The following AIM2 variants were observed in gnomAD, a reference collection of about 807,000 sequenced individuals.
The protein encoded by AIM2 is interferon-inducible protein AIM2.
AIM2 carries 30 observed loss-of-function variants against 27.7 expected under a neutral mutation model. The ratio of observed to expected loss-of-function variants is 1.08; its 90% CI spans 0.81 to 1.47. AIM2 has a LOEUF of 1.47. Ranked by LOEUF, AIM2 falls within the 40% of genes most tolerant of loss-of-function variation. The probability of loss-of-function intolerance (pLI) is 0.00; values close to 1 mark genes in which losing one functional copy is unlikely to be tolerated. For missense variants in AIM2, 358 were observed against 411.3 expected (o/e 0.87, Z 1.12); for synonymous variants, 141 against 145.3 (o/e 0.97, Z 0.21).
intron 1 of AIM2, among the ~76,000 whole-genome samples, chr1:159,101,725 C>T (rs977885672): frequency 2.6e-5 from 4 of 152,190 alleles, no homozygotes; most frequent in Non-Finnish European, 4.4e-5. Flanking sequence ...ACTCTTGCTA[C>T]ACTTCAGCAA....
intron 1 of AIM2, among the ~76,000 whole-genome samples, chr1:159,075,108 G>C (rs1656541250): frequency 6.6e-6 from 1 of 152,136 alleles, no homozygotes; most frequent in African/African-American, 2.4e-5. Context: ...AGAAAAAAAT[G>C]AACTAATAAA....
chr1:159,078,723 G>A (rs1276241072), upstream of AIM2, among the ~76,000 whole-genome samples: 3 of 152,154 alleles, frequency 2.0e-5, no homozygotes, highest in African/African-American at 4.8e-5. Flanking sequence ...AGGGAAAGGA[G>A]GCAACTGTGC....
Position 159,130,285 on chromosome 1 carries a change from A to C in AIM2, c.-16+10146T>G, listed in dbSNP as rs536574432. ...CTTCTATGAGATATTGACCACTCCC[A>C]AGACATCAATTTACTCACAACAGAC... On this transcript the variant is annotated intron_variant, in intron 1 of 2. Coordinates refer to the AIM2 transcript ENST00000368129. 1.5e-4 allele frequency among the ~76,000 whole-genome samples: 23 copies of C among 152,246 alleles called. No homozygotes were observed. In the South Asian group the frequency reaches 4.8e-3, roughly 32 times the overall value.
At position 159,110,149 on chromosome 1, in the gene AIM2, G is replaced by A. The variant is rs114472805; in HGVS notation, c.-16+30282C>T. On this transcript the variant is annotated intron_variant, in intron 1 of 2. Transcript: ENST00000368129. ...CACAATTTGCAATTGCAAAAACGTG[G>A]AACCAACCCAAATGGCCATCAACCA... 9.5e-3 allele frequency among the ~76,000 whole-genome samples: 1,441 copies of A among 152,144 alleles called. 8 individuals carry two copies. Among genetic ancestry groups the A allele is most frequent in the Non-Finnish European group, 0.017 (1,156 of 67,986 alleles).
chr1:159,067,316 A>C (rs764289089), intron 3 of AIM2, among the ~76,000 whole-genome samples: 13 of 152,238 alleles, frequency 8.5e-5, no homozygotes, highest in Non-Finnish European at 1.3e-4. Context: ...ATTAACAGAG[A>C]TAAGACACCT....
At position 159,062,734 on chromosome 1, in the gene AIM2, A is replaced by G; in HGVS notation, c.1006-16T>C. On this transcript the variant is annotated splice_polypyrimidine_tract_variant and intron_variant, in intron 5 of 5. Coordinates refer to ENST00000368130, the MANE Select transcript of AIM2 (RefSeq NM_004833.3). ...CCTTAATAACCTGGATGGAGAAAAA[A>G]AACATGCAGTCTGAGATGCAGTCGA... 6.2e-7 allele frequency: 1 copy of G among 1,613,650 alleles called. No homozygotes were observed. Among genetic ancestry groups the G allele is most frequent in the African/African-American group, 1.3e-5 (1 of 74,972 alleles).
At chr1:159,077,504 T>C (rs1212725741), upstream of AIM2, among the ~76,000 whole-genome samples, 3 of 152,238 alleles carry the variant, frequency 2.0e-5, no homozygotes, top group African/African-American at 4.8e-5. Flanking sequence ...TTTAACCAGT[T>C]GCGGCCAGTT....
At chr1:159,131,019 T>C (rs1647859936) in intron 1 of AIM2, among the ~76,000 whole-genome samples, 1 of 152,128 alleles carries the variant, frequency 6.6e-6, no homozygotes, top group Non-Finnish European at 1.5e-5. Context: ...TGCCACTTCT[T>C]CCAGGAAGCC....
chr1:159,146,529 A>G (rs528958467), intron 1 of AIM2, among the ~76,000 whole-genome samples: 13 of 152,056 alleles, frequency 8.5e-5, no homozygotes, highest in African/African-American at 2.9e-4. Flanking sequence ...GCCTTTGCTC[A>G]TTTCTGTCCA....
intron 1 of AIM2, among the ~76,000 whole-genome samples, chr1:159,121,308 G>A (rs16841729): frequency 0.059 from 8,943 of 152,188 alleles, 852 homozygotes; most frequent in African/African-American, 0.2. Context: ...TTATTTAGAA[G>A]CCATCATCTT....
chr1:159,146,209 G>T (rs1301734645), intron 1 of AIM2, among the ~76,000 whole-genome samples: 1 of 152,116 alleles, frequency 6.6e-6, no homozygotes, highest in East Asian at 1.9e-4. Flanking sequence ...ACAAATGGGA[G>T]GGCAGTAGGT....
At chr1:159,101,632 TGATA>T (rs1459144451) in intron 1 of AIM2, among the ~76,000 whole-genome samples, 1 of 152,208 alleles carries the variant, frequency 6.6e-6, no homozygotes, top group East Asian at 1.9e-4. Flanking sequence ...ACCAAAATGC[TGATA>T]GTGATATGGA....
downstream of AIM2, among the ~76,000 whole-genome samples, chr1:159,058,081 C>T (rs116301566): frequency 2.1e-3 from 317 of 152,242 alleles, 1 homozygote; most frequent in African/African-American, 6.2e-3. Context: ...AGGCTGGGCA[C>T]GGTGGCTCAT....
intron 4 of AIM2, among the ~76,000 whole-genome samples, chr1:159,064,159 G>A (rs919639561): frequency 1.3e-5 from 2 of 152,176 alleles, no homozygotes; most frequent in Admixed American, 6.5e-5. Flanking sequence ...ACTGCTCAGG[G>A]TCAGAAGCCC....
At position 159,062,599 on chromosome 1, in the gene AIM2, G is replaced by A. The variant is rs748865533; in HGVS notation, c.*93C>T. The A allele has an allele frequency of 3.5e-4, 431 of 1,249,172 alleles. No individual in the cohort carries two copies. The highest frequency in any genetic ancestry group is 4.6e-4 in the Non-Finnish European group (400 of 864,888). 77.4% of individuals were successfully genotyped at this position (1,249,172 alleles called of 1,614,324 possible). ...GGAGCCTGTGAACTGCAGCTTTCAGGTAACTTACAATCTGATTGAAGAGGC... is the reference window on the plus strand; with the variant it reads ...GGAGCCTGTGAACTGCAGCTTTCAGATAACTTACAATCTGATTGAAGAGGC... On this transcript the variant is annotated 3_prime_UTR_variant, in exon 6 of 6. Coordinates refer to ENST00000368130, the MANE Select transcript of AIM2 (RefSeq NM_004833.3).
At chr1:159,084,552 G>A (rs1255432271) in intron 1 of AIM2, among the ~76,000 whole-genome samples, 1 of 152,034 alleles carries the variant, frequency 6.6e-6, no homozygotes, top group Non-Finnish European at 1.5e-5. Context: ...CGGGGGAATC[G>A]CTTGAAGCCA....
chr1:159,136,712 C>T (rs1319640349), intron 1 of AIM2, among the ~76,000 whole-genome samples: 1 of 152,190 alleles, frequency 6.6e-6, no homozygotes, highest in Non-Finnish European at 1.5e-5. Context: ...ATAAACACTG[C>T]AATCATGTTT....
At chr1:159,138,628 T>C (rs1006557699) in intron 1 of AIM2, among the ~76,000 whole-genome samples, 8 of 152,230 alleles carry the variant, frequency 5.3e-5, no homozygotes, top group Admixed American at 5.2e-4. Context: ...AAGTGGGTGC[T>C]TGATGAATAT....
Position 159,066,054 on chromosome 1 carries a change from G to A in AIM2, c.672C>T (p.Ala224=), listed in dbSNP as rs756277653. 6.2e-7 allele frequency: 1 copy of A among 1,614,084 alleles called. No homozygotes were observed. The highest frequency in any genetic ancestry group is 8.5e-7 in the Non-Finnish European group (1 of 1,180,010). The change falls in exon 4 of 6, where the codon GCC becomes GCT. Residue 224 remains alanine (A), a synonymous_variant. Coordinates refer to ENST00000368130, the MANE Select transcript of AIM2 (RefSeq NM_004833.3). ...RHSGFLEVNS[A]SRVLDAESDQ... ...CAGATTCAGCATCTAACACACGTGAGGCGCTATTTACCTCTAAGAAACCAC... is the reference window on the plus strand; with the variant it reads ...CAGATTCAGCATCTAACACACGTGAAGCGCTATTTACCTCTAAGAAACCAC...
Sources: gnomAD v4.1 joint callset for allele counts (sites outside exome capture counted in the v4.1 genomes callset) on GRCh38, gnomAD v4.1.1 for gene constraint, MANE v1.5 for transcripts, NCBI Gene and HGNC (gene_info 2026-07-23, HGNC 2026-07-21) for gene names.